Variants in LRRC37A2 observed in about 807,000 individuals in gnomAD.
LRRC37A2 encodes the protein leucine rich repeat containing 37 member A2.
A neutral mutation model predicts 68.8 loss-of-function variants in LRRC37A2; 9 were observed. That is an observed-to-expected ratio of 0.13 (90% CI 0.08 to 0.23). The LOEUF is 0.23. Among genes scored for constraint, LRRC37A2 ranks in the 10% least tolerant of loss-of-function variants. LRRC37A2 has a pLI of 1.00. For synonymous variants in LRRC37A2, 63 were observed against 367.6 expected (o/e 0.17, Z 9.48); for missense variants, 168 against 950.4 (o/e 0.18, Z 10.82).
the LRRC37A2 span, among the ~76,000 whole-genome samples, chr17:46,499,338 T>G: frequency 0.63 from 71,810 of 114,268 alleles, 24,819 homozygotes; most frequent in Middle Eastern, 0.8. Flanking sequence ...AAAAAAAAGG[T>G]GGGGGGACAA....
the LRRC37A2 span, among the ~76,000 whole-genome samples, chr17:46,853,643 C>G: frequency 6.6e-6 from 1 of 152,180 alleles, no homozygotes; most frequent in African/African-American, 2.4e-5. Flanking sequence ...GCTGGGATTA[C>G]AGGCATGAGC....
the LRRC37A2 span, among the ~76,000 whole-genome samples, chr17:46,777,555 G>C: frequency 5.9e-5 from 9 of 152,368 alleles, no homozygotes; most frequent in South Asian, 1.9e-3. Flanking sequence ...CTGTGCAGAC[G>C]CAGTCTCTCC....
chr17:46,558,388 TTTTG>T (rs536886712), downstream of LRRC37A2, among the ~76,000 whole-genome samples: 152 of 105,460 alleles, frequency 1.4e-3, 4 homozygotes, highest in East Asian at 2.8e-3. Flanking sequence ...TTTTTTTGTG[TTTTG>T]TTTGTTTGTT....
chr17:46,901,398 G>T, the LRRC37A2 span, among the ~76,000 whole-genome samples: 1 of 152,114 alleles, frequency 6.6e-6, no homozygotes, highest in Non-Finnish European at 1.5e-5. Flanking sequence ...CCGACCTCAG[G>T]TGATCCGCCT....
chr17:46,862,050 C>T, the LRRC37A2 span, among the ~76,000 whole-genome samples: 1 of 151,416 alleles, frequency 6.6e-6, no homozygotes. Context: ...GTAATCCCAG[C>T]TACTTGGGAG....
the LRRC37A2 span, among the ~76,000 whole-genome samples, chr17:46,881,433 C>A: frequency 6.6e-6 from 1 of 152,228 alleles, no homozygotes; most frequent in Non-Finnish European, 1.5e-5. Context: ...TTGAACCTCA[C>A]AAGGTGGACA....
At chr17:46,929,529 C>A in the LRRC37A2 span, 1 of 1,548,186 alleles carries the variant, frequency 6.5e-7, no homozygotes, top group Non-Finnish European at 8.9e-7. Flanking sequence ...GGCAGGTCCA[C>A]GAGATCCAGT....
At chr17:46,722,673 A>C in the LRRC37A2 span, among the ~76,000 whole-genome samples, 1 of 152,228 alleles carries the variant, frequency 6.6e-6, no homozygotes. Context: ...GAGACTAGGC[A>C]GAAATCGTGG....
the LRRC37A2 span, chr17:46,773,926 G>A: frequency 1.2e-6 from 2 of 1,609,382 alleles, no homozygotes; most frequent in Non-Finnish European, 1.7e-6. Flanking sequence ...GCAGACAGAG[G>A]GTAGTAACAC....
chr17:46,728,723 CTTA>C, the LRRC37A2 span: 3 of 432,046 alleles, frequency 6.9e-6, no homozygotes, highest in Non-Finnish European at 1.2e-5. Flanking sequence ...TTTTTTTTTT[CTTA>C]TTCTATACAT....
At chr17:46,733,637 T>A in the LRRC37A2 span, among the ~76,000 whole-genome samples, 1 of 152,196 alleles carries the variant, frequency 6.6e-6, no homozygotes, top group Non-Finnish European at 1.5e-5. Flanking sequence ...TACACTTGGG[T>A]AAGTGGATGA....
At chr17:46,897,504 G>A in the LRRC37A2 span, among the ~76,000 whole-genome samples, 1 of 152,166 alleles carries the variant, frequency 6.6e-6, no homozygotes, top group South Asian at 2.1e-4. Context: ...GTTACCATGA[G>A]CCAGTATTGG....
the LRRC37A2 span, among the ~76,000 whole-genome samples, chr17:46,842,953 G>A: frequency 2.6e-5 from 4 of 152,182 alleles, no homozygotes; most frequent in African/African-American, 9.7e-5. Context: ...AGGTCGCAGA[G>A]GAAGCCAGAG....
At chr17:46,782,641 G>C in the LRRC37A2 span, among the ~76,000 whole-genome samples, 1 of 152,224 alleles carries the variant, frequency 6.6e-6, no homozygotes, top group Non-Finnish European at 1.5e-5. Context: ...AGCCAGTTCA[G>C]GGGCATGTGT....
the LRRC37A2 span, chr17:46,721,881 C>T: frequency 6.9e-6 from 11 of 1,583,952 alleles, no homozygotes; most frequent in African/African-American, 2.7e-5. Context: ...CTCCTCTGAG[C>T]GATAAAGACG....
chr17:46,761,081 A>G, the LRRC37A2 span, among the ~76,000 whole-genome samples: 1 of 152,244 alleles, frequency 6.6e-6, no homozygotes, highest in African/African-American at 2.4e-5. Context: ...TCGAAATGAA[A>G]TAAAAATGAC....
the LRRC37A2 span, chr17:46,948,788 C>G: frequency 6.6e-6 from 1 of 152,256 alleles, no homozygotes; most frequent in Non-Finnish European, 1.5e-5. Context: ...TGATTTAGGG[C>G]TCGGTGACAT....
At chr17:46,801,491 G>T in the LRRC37A2 span, among the ~76,000 whole-genome samples, 1 of 123,848 alleles carries the variant, frequency 8.1e-6, no homozygotes, top group Non-Finnish European at 1.8e-5. Flanking sequence ...ATGGTGGCAG[G>T]CGCCTGTAAT....
the LRRC37A2 span, chr17:47,042,178 T>G: frequency 6.9e-6 from 1 of 145,888 alleles, no homozygotes; most frequent in African/African-American, 2.5e-5. Flanking sequence ...GGGAAATGAT[T>G]AGGGGAAAGA....
Sources: allele counts gnomAD v4.1 joint callset (sites outside exome capture counted in the v4.1 genomes callset), GRCh38; gene constraint gnomAD v4.1.1; transcripts MANE v1.5; gene names NCBI Gene and HGNC (gene_info 2026-07-23, HGNC 2026-07-21).